Variants in CSMD3 observed in about 807,000 individuals in gnomAD.
The protein encoded by CSMD3 is CUB and sushi domain-containing protein 3.
A neutral mutation model predicts 435.2 loss-of-function variants in CSMD3; 177 were observed. That is an observed-to-expected ratio of 0.41 (90% confidence interval 0.36 to 0.46). The LOEUF is 0.46. Ranked by LOEUF, CSMD3 falls within the 20% of genes least tolerant of loss-of-function variation. CSMD3 has a pLI of 0.34. For missense variants in CSMD3, 4,265 were observed against 4,504.6 expected (o/e 0.95, Z 1.52); for synonymous variants, 1,656 against 1,520.5 (o/e 1.09, Z -2.07).
intron 1 of CSMD3, among the ~76,000 whole-genome samples, chr8:113,374,599 T>C (rs1004807558): frequency 6.6e-6 from 1 of 151,994 alleles, no homozygotes; most frequent in African/African-American, 2.4e-5. Flanking sequence ...GAAATACACA[T>C]TTTTGGAGTA....
chr8:113,388,701 G>T (rs1324751139), intron 1 of CSMD3, among the ~76,000 whole-genome samples: 1 of 151,480 alleles, frequency 6.6e-6, no homozygotes, highest in African/African-American at 2.4e-5. Context: ...CATTTACATT[G>T]TTACAGTTGC....
chr8:113,141,482 TAAAC>T (rs754128761), intron 4 of CSMD3, among the ~76,000 whole-genome samples: 3 of 151,072 alleles, frequency 2.0e-5, no homozygotes, highest in Middle Eastern at 3.4e-3. Context: ...TCAAATATGA[TAAAC>T]TAACTGGAGC....
chr8:112,736,347 T>C (rs2077184518), intron 13 of CSMD3, among the ~76,000 whole-genome samples: 1 of 152,008 alleles, frequency 6.6e-6, no homozygotes. Flanking sequence ...CCCCTTCCCA[T>C]GTTATCTAGG....
chr8:112,965,948 C>A (rs556558006), intron 7 of CSMD3, among the ~76,000 whole-genome samples: 3 of 151,804 alleles, frequency 2.0e-5, no homozygotes, highest in African/African-American at 7.2e-5. Context: ...TGGTACATTT[C>A]TGAACATGAA....
chr8:112,482,024 A>G (rs1378090583), intron 31 of CSMD3, among the ~76,000 whole-genome samples: 3 of 152,140 alleles, frequency 2.0e-5, no homozygotes, highest in Non-Finnish European at 4.4e-5. Flanking sequence ...AAAAAATTCC[A>G]TATCAGTGTG....
Position 112,311,075 on chromosome 8 carries a change from A to G in CSMD3, c.7788T>C (p.Cys2596=), listed in dbSNP as rs1357236092. 1.2e-6 allele frequency: 2 copies of G among 1,614,130 alleles called. No individual in the cohort carries two copies. Among genetic ancestry groups the G allele is most frequent in the African/African-American group, 1.3e-5 (1 of 75,046 alleles). ...TTCCAACAAGTCGGAATCCTCGATCACAGGCCCAACGGACCACACTGTTAA... is the reference window on the plus strand; with the variant it reads ...TTCCAACAAGTCGGAATCCTCGATCGCAGGCCCAACGGACCACACTGTTAA... ...GQLNSVVRWA[C]DRGFRLVGKS... is the part of the protein sequence containing the mutation. The change falls in exon 50 of 71, where the codon TGT becomes TGC. Residue 2596 remains cysteine, a synonymous_variant. Coordinates refer to ENST00000297405, the MANE Select transcript of CSMD3 (RefSeq NM_198123.2).
intron 7 of CSMD3, among the ~76,000 whole-genome samples, chr8:112,961,629 A>G (rs2130865587): frequency 6.6e-6 from 1 of 152,096 alleles, no homozygotes; most frequent in Middle Eastern, 3.4e-3. Flanking sequence ...GAGAGGAGAC[A>G]CTGTGTTTTA....
intron 3 of CSMD3, among the ~76,000 whole-genome samples, chr8:113,252,989 G>A (rs1032314819): frequency 1.3e-5 from 2 of 152,090 alleles, no homozygotes; most frequent in African/African-American, 2.4e-5. Flanking sequence ...ACTAGGTACA[G>A]GACAGAATTT....
intron 22 of CSMD3, among the ~76,000 whole-genome samples, chr8:112,598,644 C>T (rs1273179456): frequency 1.3e-5 from 2 of 150,066 alleles, no homozygotes; most frequent in Non-Finnish European, 3.0e-5. Flanking sequence ...GTAACCAAAA[C>T]AGCATGGTAC....
At chr8:112,943,155 T>C (rs1046402792) in intron 9 of CSMD3, among the ~76,000 whole-genome samples, 1 of 151,768 alleles carries the variant, frequency 6.6e-6, no homozygotes, top group Non-Finnish European at 1.5e-5. Flanking sequence ...TTTGATGTTT[T>C]GCCTATTGTG....
intron 24 of CSMD3, among the ~76,000 whole-genome samples, chr8:112,571,923 C>G (rs1162750856): frequency 6.8e-6 from 1 of 147,334 alleles, no homozygotes; most frequent in African/African-American, 2.5e-5. Context: ...AGAAATGCAA[C>G]ATGATGCAGA....
chr8:112,826,203 G>A (rs544529202), intron 12 of CSMD3, among the ~76,000 whole-genome samples: 1 of 152,182 alleles, frequency 6.6e-6, no homozygotes, highest in Non-Finnish European at 1.5e-5. Flanking sequence ...CAGAAGAAAA[G>A]CGTGGCCTGG....
At chr8:112,486,475 T>C (rs1820146132) in intron 31 of CSMD3, among the ~76,000 whole-genome samples, 1 of 152,084 alleles carries the variant, frequency 6.6e-6, no homozygotes, top group Non-Finnish European at 1.5e-5. Flanking sequence ...CACAAAATAA[T>C]ATGTAATATT....
chr8:113,200,923 T>C (rs1203119592), intron 3 of CSMD3, among the ~76,000 whole-genome samples: 1 of 151,898 alleles, frequency 6.6e-6, no homozygotes, highest in Non-Finnish European at 1.5e-5. Context: ...TTGTGCAATC[T>C]GTAGCATCTA....
At chr8:113,343,877 C>A (rs2094135632) in intron 1 of CSMD3, among the ~76,000 whole-genome samples, 1 of 151,984 alleles carries the variant, frequency 6.6e-6, no homozygotes, top group Admixed American at 6.6e-5. Flanking sequence ...TTGAGACCAT[C>A]CTGACTAACG....
chr8:112,359,665 A>G (rs1296708670), intron 38 of CSMD3, among the ~76,000 whole-genome samples: 1 of 152,132 alleles, frequency 6.6e-6, no homozygotes, highest in African/African-American at 2.4e-5. Context: ...GTGACTTGAT[A>G]GAGTTATGAT....
chr8:113,182,836 A>C (rs1339090753), intron 3 of CSMD3, among the ~76,000 whole-genome samples: 1 of 152,014 alleles, frequency 6.6e-6, no homozygotes, highest in African/African-American at 2.4e-5. Context: ...AACAGCAACA[A>C]ACTTCTCTGG....
At chr8:112,533,489 T>C (rs925284614) in intron 27 of CSMD3, among the ~76,000 whole-genome samples, 4 of 151,904 alleles carry the variant, frequency 2.6e-5, no homozygotes, top group Admixed American at 6.6e-5. Context: ...ATAAAATAGA[T>C]GGCAAGTCAA....
chr8:113,414,651 C>CAAAAAA (rs780988317), intron 1 of CSMD3, among the ~76,000 whole-genome samples: 163 of 84,750 alleles, frequency 1.9e-3, no homozygotes, highest in South Asian at 2.5e-3. Context: ...TGCCCAAATA[C>CAAAAAA]AAAAAAAAAA....
Sources: gnomAD v4.1 joint callset for allele counts (sites outside exome capture counted in the v4.1 genomes callset) on GRCh38, gnomAD v4.1.1 for gene constraint, MANE v1.5 for transcripts, NCBI Gene and HGNC (gene_info 2026-07-23, HGNC 2026-07-21) for gene names.